AGAP1: variants seen among roughly 807,000 people sequenced by gnomAD.
AGAP1 encodes the protein arf-GAP with GTPase, ANK repeat and PH domain-containing protein 1.
In AGAP1, 29 loss-of-function variants were observed where a neutral mutation model predicts 105.3. The observed-to-expected ratio is 0.28, with a 90% confidence interval of 0.21 to 0.38. The LOEUF (loss-of-function observed/expected upper bound fraction) is 0.38, where lower values mean the gene tolerates loss of function less well. AGAP1 is among the 10% of genes least tolerant of loss of function. The probability of loss-of-function intolerance (pLI) is 1.00; values close to 1 mark genes in which losing one functional copy is unlikely to be tolerated. For missense variants in AGAP1, 998 were observed against 1,165.1 expected, an observed-to-expected ratio of 0.86 and a Z score of 2.09; for synonymous variants, 509 against 485.9, an observed-to-expected ratio of 1.05 and a Z score of -0.63.
At chr2:236,088,169 C>T (rs147735720) in intron 16 of AGAP1, among the ~76,000 whole-genome samples, 232 of 152,310 alleles carry the variant, frequency 1.5e-3, no homozygotes, top group African/African-American at 5.4e-3. Context: ...GTCTCTGGGT[C>T]CCCAGCCTTA....
rs2049808675 is a variant in AGAP1 at position 235,877,602 on chromosome 2, T to C, written c.1051-5743T>C. On this transcript the variant is annotated intron_variant, in intron 9 of 17. Transcript: ENST00000304032. This position sits in a 1 kb window ranked among gnomAD's most constrained non-coding sequence, Gnocchi z 4.3. ...GCGCTGTCCCCCTTAGCACCACTCA[T>C]GACCTAGGAAGTCGGAGATGCCAAC... Among the ~76,000 whole-genome samples, 1 of 152,206 alleles carries C rather than the reference T, an allele frequency of 6.6e-6. No homozygotes were observed. The highest frequency in any genetic ancestry group is 2.4e-5 in the African/African-American group (1 of 41,454).
intron 11 of AGAP1, among the ~76,000 whole-genome samples, chr2:235,909,709 C>T (rs771401988): frequency 8.5e-5 from 13 of 152,174 alleles, no homozygotes; most frequent in Non-Finnish European, 1.8e-4. Flanking sequence ...TCTCTCCCAC[C>T]TACATCCAGT....
chr2:235,829,104 C>T (rs1959183047), intron 9 of AGAP1, among the ~76,000 whole-genome samples: 1 of 152,220 alleles, frequency 6.6e-6, no homozygotes, highest in Admixed American at 6.5e-5. Context: ...AGATTGGCAC[C>T]AGGACTTTGT....
intron 1 of AGAP1, among the ~76,000 whole-genome samples, chr2:235,576,814 G>A (rs1178434771): frequency 6.6e-6 from 1 of 152,198 alleles, no homozygotes; most frequent in Non-Finnish European, 1.5e-5. Flanking sequence ...CTCTTCCCGT[G>A]ACTGTTCTTC....
In AGAP1 at chr2:235,733,744, CA is replaced by C. The variant is rs1173721888; in HGVS notation, c.311-7218del. The stretch of plus-strand genomic sequence containing the variant: ...TGCGGGTCAGAACCCCGGAGTGTTT[CA>C]CCCATGGAAATAGTCAGCAGTCGCC... On this transcript the variant is annotated intron_variant, in intron 3 of 17. Transcript: ENST00000304032. The surrounding 1 kb of genome is among the most constrained non-coding windows in gnomAD (Gnocchi z 5.0). 6.6e-6 allele frequency among the ~76,000 whole-genome samples: 1 copy of C among 152,136 alleles called. No individual in the cohort carries two copies. Among genetic ancestry groups the C allele is most frequent in the Non-Finnish European group, 1.5e-5 (1 of 68,042 alleles).
intron 1 of AGAP1, among the ~76,000 whole-genome samples, chr2:235,704,337 G>C (rs1335250504): frequency 1.3e-5 from 2 of 152,230 alleles, no homozygotes; most frequent in Non-Finnish European, 2.9e-5. Context: ...ACAAAGCTCT[G>C]CAGGGAGCTT....
intron 13 of AGAP1, among the ~76,000 whole-genome samples, chr2:235,984,763 C>A (rs1262440662): frequency 1.3e-5 from 2 of 152,084 alleles, no homozygotes; most frequent in African/African-American, 4.8e-5. Context: ...TCATCCATGT[C>A]CTTGCAAAGG....
intron 6 of AGAP1, chr2:235,783,291 A>T (rs1333914521): frequency 2.1e-6 from 1 of 467,612 alleles, no homozygotes. Flanking sequence ...ATAACCTTTT[A>T]CCTATAGCTA....
chr2:236,019,671 T>G (rs1426898509), intron 13 of AGAP1, among the ~76,000 whole-genome samples: 1 of 152,198 alleles, frequency 6.6e-6, no homozygotes, highest in Admixed American at 6.5e-5. Context: ...GCAGCGCCCT[T>G]AGGCTTGAGT....
intron 12 of AGAP1, among the ~76,000 whole-genome samples, chr2:235,940,629 C>A (rs1465473889): frequency 6.6e-6 from 1 of 152,248 alleles, no homozygotes; most frequent in African/African-American, 2.4e-5. Context: ...TCTTGTTTTT[C>A]TCAGCATGTA....
Position 235,883,563 on chromosome 2 carries a change from A to G in AGAP1, c.1155+114A>G. The G allele has an allele frequency of 1.2e-6, 1 of 818,630 alleles. No individual in the cohort carries two copies. The highest frequency in any genetic ancestry group is 2.0e-6 in the Non-Finnish European group (1 of 502,762). The allele number at this position is 818,630 out of a possible 1,614,324, so 50.7% of individuals were successfully genotyped here. A position where few individuals can be genotyped will look rare whatever the true frequency, so the allele number is the denominator to read the frequency against. On this transcript the variant is annotated intron_variant, in intron 10 of 17. Transcript: ENST00000304032. The surrounding 1 kb of genome is among the most constrained non-coding windows in gnomAD (Gnocchi z 4.5). ...TGTCTCTGTTTGAAGTGAAAGTCGT[A>G]TTTGGTCTCCTGCTCAACTGTGAGA...
intron 1 of AGAP1, among the ~76,000 whole-genome samples, chr2:235,508,987 G>C (rs755941717): frequency 6.6e-6 from 1 of 152,202 alleles, no homozygotes; most frequent in African/African-American, 2.4e-5. Context: ...CGGGGGCGTG[G>C]TGGTGGCTGC....
In AGAP1 at chr2:235,736,695, C is replaced by A. The variant is rs1049098073; in HGVS notation, c.311-4268C>A. On this transcript the variant is annotated intron_variant, in intron 3 of 17. Transcript: ENST00000304032. The surrounding 1 kb of genome is among the most constrained non-coding windows in gnomAD (Gnocchi z 5.5). ...CACAATGAGGCCCCATCTCATCTAT[C>A]CAGGTGTGGCGGCACATGTCCGTGG... Among the ~76,000 whole-genome samples the A allele has an allele frequency of 1.3e-5, 2 of 152,088 alleles. No homozygotes were observed. Among genetic ancestry groups the A allele is most frequent in the South Asian group, 2.1e-4 (1 of 4,824 alleles).
chr2:235,744,672 C>T lies in AGAP1; in HGVS notation c.397-26C>T. The stretch of plus-strand genomic sequence containing the variant: ...ATCAAGCCTGCTCACTCAGCTCCTG[C>T]TCTCCTCCCCTTCTTCTCTCCCTAG... On this transcript the variant is annotated intron_variant, in intron 4 of 17. Coordinates refer to ENST00000304032, the MANE Select transcript of AGAP1 (RefSeq NM_001037131.3). The surrounding 1 kb of genome is among the most constrained non-coding windows in gnomAD (Gnocchi z 5.2). 1 of 1,613,712 alleles carries T rather than the reference C, an allele frequency of 6.2e-7. No homozygotes were observed.
intron 13 of AGAP1, among the ~76,000 whole-genome samples, chr2:236,011,586 C>G (rs2125562848): frequency 6.6e-6 from 1 of 152,228 alleles, no homozygotes; most frequent in South Asian, 2.1e-4. Flanking sequence ...CACCCTGCTG[C>G]CTTTTTGTTT....
rs556214713 is a variant in AGAP1 at position 235,965,971 on chromosome 2, G to T, written c.1484-2491G>T. Among the ~76,000 whole-genome samples, 2 of 151,944 alleles carry T rather than the reference G, an allele frequency of 1.3e-5. No individual in the cohort carries two copies. Among genetic ancestry groups the T allele is most frequent in the East Asian group, 1.9e-4 (1 of 5,136 alleles). ...TTCCTCTAGGGATGGAGAGAGGGGA[G>T]TCCGTTCCTCTGGGGATGGAGAGAG... is the stretch of plus-strand genomic sequence containing the variant. On this transcript the variant is annotated intron_variant, in intron 12 of 17. Coordinates refer to ENST00000304032, the MANE Select transcript of AGAP1 (RefSeq NM_001037131.3). The surrounding 1 kb of genome is among the most constrained non-coding windows in gnomAD (Gnocchi z 5.8).
chr2:235,754,795 C>T lies in AGAP1; in HGVS notation c.673+4307C>T, dbSNP rs973040672. On this transcript the variant is annotated intron_variant, in intron 6 of 17. Transcript: ENST00000304032. The surrounding 1 kb of genome is among the most constrained non-coding windows in gnomAD (Gnocchi z 4.6). ...CAGGGGCTAGAGGCAGATTGGGAAGCGCAGGCAGGGTCCCTTCCTCCGTGA... is the reference window on the plus strand; with the variant it reads ...CAGGGGCTAGAGGCAGATTGGGAAGTGCAGGCAGGGTCCCTTCCTCCGTGA... Among the ~76,000 whole-genome samples, 1 of 152,164 alleles carries T rather than the reference C, an allele frequency of 6.6e-6. No homozygotes were observed. The highest frequency in any genetic ancestry group is 2.4e-5 in the African/African-American group (1 of 41,436).
At position 236,090,025 on chromosome 2, in the gene AGAP1, G is replaced by A. The variant is rs2059018942; in HGVS notation, c.2115-30167G>A. Among the ~76,000 whole-genome samples the A allele has an allele frequency of 6.6e-6, 1 of 152,100 alleles. No individual in the cohort carries two copies. The highest frequency in any genetic ancestry group is 2.4e-5 in the African/African-American group (1 of 41,418). On this transcript the variant is annotated intron_variant, in intron 16 of 17. Transcript: ENST00000304032. The surrounding 1 kb of genome is among the most constrained non-coding windows in gnomAD (Gnocchi z 4.3). ...CTCCCTGGCTGCAAATGAATCCATC[G>A]GATACAGAAGTTTTGAGGTGAGTGG...
chr2:235,666,116 G>A (rs1451710647), intron 1 of AGAP1, among the ~76,000 whole-genome samples: 1 of 152,016 alleles, frequency 6.6e-6, no homozygotes, highest in East Asian at 1.9e-4. Flanking sequence ...CTCCTCTGCA[G>A]TCTTCCTCTC....
Sources: allele counts gnomAD v4.1 joint callset (sites outside exome capture counted in the v4.1 genomes callset), GRCh38; gene constraint gnomAD v4.1.1; non-coding constraint Gnocchi (gnomAD v3.1); transcripts MANE v1.5; gene names NCBI Gene and HGNC (gene_info 2026-07-23, HGNC 2026-07-21).